SLC16A12: variants seen among roughly 807,000 people sequenced by gnomAD.
SLC16A12 encodes solute carrier family 16 member 12.
In SLC16A12, 17 loss-of-function variants were observed where a neutral mutation model predicts 42.4. That is an observed-to-expected ratio of 0.40 (90% CI 0.27 to 0.60). The LOEUF is 0.60. Ranked by LOEUF, SLC16A12 falls within the 20% of genes least tolerant of loss-of-function variation. The pLI is 0.42. For synonymous variants in SLC16A12, 224 were observed against 229.4 expected, an observed-to-expected ratio of 0.98 and a Z score of 0.21; for missense variants, 544 against 623.0, an observed-to-expected ratio of 0.87 and a Z score of 1.35.
upstream of SLC16A12, among the ~76,000 whole-genome samples, chr10:89,539,873 C>CTTTCTTTCT (rs1843701841): frequency 7.0e-6 from 1 of 143,014 alleles, no homozygotes; most frequent in African/African-American, 2.8e-5. Context: ...TTCTTTCTTT[C>CTTTCTTTCT]TTTCTTTCTT....
chr10:89,544,361 G>T (rs569396832), intron 2 of SLC16A12, among the ~76,000 whole-genome samples: 5 of 152,292 alleles, frequency 3.3e-5, no homozygotes, highest in African/African-American at 1.2e-4. Flanking sequence ...AGAAAAGGAG[G>T]TGATACATTC....
intron 2 of SLC16A12, among the ~76,000 whole-genome samples, chr10:89,522,100 T>C (rs1490156159): frequency 6.6e-6 from 1 of 152,170 alleles, no homozygotes; most frequent in East Asian, 1.9e-4. Context: ...TCATGTCCCA[T>C]AGCATTCACC....
At chr10:89,439,595 A>C (rs1366376311) in intron 5 of SLC16A12, among the ~76,000 whole-genome samples, 2 of 152,222 alleles carry the variant, frequency 1.3e-5, no homozygotes, top group Admixed American at 1.3e-4. Context: ...GACAATCTGC[A>C]CCACTCTGGA....
intron 3 of SLC16A12, among the ~76,000 whole-genome samples, chr10:89,450,440 A>G (rs1181900386): frequency 6.6e-6 from 1 of 152,248 alleles, no homozygotes; most frequent in Non-Finnish European, 1.5e-5. Context: ...ATAAAAAAGG[A>G]TGAGTTCATG....
chr10:89,459,295 C>T (rs1386622373), intron 3 of SLC16A12, among the ~76,000 whole-genome samples: 1 of 150,028 alleles, frequency 6.7e-6, no homozygotes. Flanking sequence ...ACAATGACTC[C>T]CATAACCAAG....
At chr10:89,534,211 G>A (rs1329886126) in intron 2 of SLC16A12, among the ~76,000 whole-genome samples, 4 of 152,188 alleles carry the variant, frequency 2.6e-5, no homozygotes, top group Non-Finnish European at 1.5e-5. Context: ...CACCTTGGGG[G>A]CGCAGGGGGT....
chr10:89,492,728 T>A (rs1213189060), intron 2 of SLC16A12, among the ~76,000 whole-genome samples: 1 of 151,964 alleles, frequency 6.6e-6, no homozygotes, highest in African/African-American at 2.4e-5. Flanking sequence ...TATAGCACCA[T>A]GGAGTTTATA....
chr10:89,508,482 G>C (rs1012516456), intron 2 of SLC16A12, among the ~76,000 whole-genome samples: 1 of 152,172 alleles, frequency 6.6e-6, no homozygotes, highest in African/African-American at 2.4e-5. Flanking sequence ...TGACTACTGG[G>C]TAAATAACGA....
At chr10:89,497,464 A>G (rs940614641) in intron 2 of SLC16A12, among the ~76,000 whole-genome samples, 2 of 152,230 alleles carry the variant, frequency 1.3e-5, no homozygotes, top group Non-Finnish European at 2.9e-5. Context: ...TGGGAACTCA[A>G]AGACCAGGTC....
chr10:89,463,869 G>A (rs1374258869), intron 2 of SLC16A12, among the ~76,000 whole-genome samples: 2 of 152,152 alleles, frequency 1.3e-5, no homozygotes, highest in African/African-American at 4.8e-5. Flanking sequence ...TGGTGGGCAG[G>A]CTCTAAGGTA....
At chr10:89,492,067 G>GA (rs1295250359) in intron 2 of SLC16A12, among the ~76,000 whole-genome samples, 10 of 152,160 alleles carry the variant, frequency 6.6e-5, no homozygotes, top group Admixed American at 2.6e-4. Flanking sequence ...TGACGAGGAG[G>GA]AAATATTCAG....
chr10:89,477,176 C>G (rs1842594549), intron 2 of SLC16A12, among the ~76,000 whole-genome samples: 1 of 152,224 alleles, frequency 6.6e-6, no homozygotes, highest in Non-Finnish European at 1.5e-5. Context: ...CCACCTCCCT[C>G]TAGTTTGGAA....
rs1028060145 is a variant in SLC16A12, at chr10:89,549,599, GT to G, written c.-47+6282del. 8.6e-5 allele frequency among the ~76,000 whole-genome samples: 13 copies of G among 151,296 alleles called. No individual in the cohort carries two copies. The South Asian group carries it at 1.7e-3, about 19-fold the overall frequency. ...AGAAAAAGTCACCTTAGTGTTTTGG[GT>G]TTTTTTTTAAGTTTATAAAAAGAAG... On this transcript the variant is annotated intron_variant, in intron 2 of 2. Coordinates refer to the SLC16A12 transcript ENST00000475682.
rs1281063020 is a variant in SLC16A12, at chr10:89,527,446, G to A, written c.-47+7055C>T. 2.0e-5 allele frequency among the ~76,000 whole-genome samples: 3 copies of A among 151,884 alleles called. No homozygotes were observed. In the East Asian group the frequency reaches 5.8e-4, roughly 30 times the overall value. ...TGCAGCAAGCCGAGATCATGCCATT[G>A]CACTCCAGTCTGGGTGAAAGAGTGA... On this transcript the variant is annotated intron_variant, in intron 2 of 7. Coordinates refer to ENST00000371790, the MANE Select transcript of SLC16A12 (RefSeq NM_213606.4).
At chr10:89,473,056 C>A (rs780475973) in intron 2 of SLC16A12, among the ~76,000 whole-genome samples, 3 of 150,392 alleles carry the variant, frequency 2.0e-5, no homozygotes, top group Non-Finnish European at 2.9e-5. Context: ...TGGGCTCAAG[C>A]GATTCTCCTG....
At chr10:89,444,402 G>A (rs1056160350) in intron 3 of SLC16A12, among the ~76,000 whole-genome samples, 1 of 152,054 alleles carries the variant, frequency 6.6e-6, no homozygotes, top group African/African-American at 2.4e-5. Context: ...ATATTCTGGA[G>A]AATAGCCAAA....
At chr10:89,470,575 G>C (rs997004993) in intron 2 of SLC16A12, among the ~76,000 whole-genome samples, 1 of 152,204 alleles carries the variant, frequency 6.6e-6, no homozygotes, top group Non-Finnish European at 1.5e-5. Flanking sequence ...GGTGAGATAA[G>C]AGCCAGGGCC....
At chr10:89,555,801 A>C (rs987734799) in intron 2 of SLC16A12, 7 of 151,024 alleles carry the variant, frequency 4.6e-5, no homozygotes, top group Non-Finnish European at 1.0e-4. Context: ...TTCCAGAAAA[A>C]TCAAGTTTCT....
chr10:89,520,417 A>C (rs1480774706), intron 2 of SLC16A12, among the ~76,000 whole-genome samples: 1 of 152,200 alleles, frequency 6.6e-6, no homozygotes, highest in East Asian at 1.9e-4. Flanking sequence ...ACTAAGCCTT[A>C]ATACAATACA....
Sources: gnomAD v4.1 joint callset for allele counts (sites outside exome capture counted in the v4.1 genomes callset) on GRCh38, gnomAD v4.1.1 for gene constraint, MANE v1.5 for transcripts, NCBI Gene and HGNC (gene_info 2026-07-23, HGNC 2026-07-21) for gene names.